Variants in AMOT observed in about 807,000 individuals in gnomAD.
AMOT encodes the protein angiomotin.
A neutral mutation model predicts 67.0 loss-of-function variants in AMOT; 11 were observed. That is an observed-to-expected ratio of 0.16 (90% CI 0.10 to 0.27). The LOEUF is 0.27. AMOT is among the 10% of genes least tolerant of loss of function. The pLI, the probability that AMOT is intolerant of heterozygous loss-of-function variation, is 1.00. For missense variants in AMOT, 753 were observed against 852.0 expected (o/e 0.88, Z 1.45); for synonymous variants, 326 against 321.4 (o/e 1.01, Z -0.15).
At chrX:112,809,091 G>T (rs1489760897) in intron 7 of AMOT, among the ~76,000 whole-genome samples, 1 of 111,316 alleles carries the variant, frequency 9.0e-6, no homozygotes, top group Non-Finnish European at 1.9e-5. Flanking sequence ...CACAACTACA[G>T]CCAGAGCTAC....
chrX:112,804,091 G>A (rs16987095), intron 8 of AMOT, among the ~76,000 whole-genome samples: 2,110 of 111,346 alleles, frequency 0.019, 55 homozygotes, highest in African/African-American at 0.064. Flanking sequence ...CATGAGTACA[G>A]TTTAGTGTTG....
intron 10 of AMOT, among the ~76,000 whole-genome samples, chrX:112,786,318 G>A (rs1933362086): frequency 8.9e-6 from 1 of 112,199 alleles, no homozygotes; most frequent in African/African-American, 3.2e-5. Context: ...TACACATTCT[G>A]AGAAAGGTAG....
At chrX:112,790,828 C>A in intron 9 of AMOT, 46 bp from the exon 10 acceptor site, 2 of 1,072,763 alleles carry the variant, frequency 1.9e-6, no homozygotes, top group Non-Finnish European at 2.5e-6. Context: ...GAGAGAAGAA[C>A]CATGGTGTCT....
chrX:112,837,960 A>G (rs1935171258), intron 1 of AMOT, among the ~76,000 whole-genome samples: 1 of 111,724 alleles, frequency 9.0e-6, no homozygotes, highest in Non-Finnish European at 1.9e-5. Flanking sequence ...GTACGACCAC[A>G]CACACCTCTC....
chrX:112,788,189 T>C (rs184643954), intron 10 of AMOT, among the ~76,000 whole-genome samples: 123 of 108,365 alleles, frequency 1.1e-3, no homozygotes, highest in African/African-American at 4.0e-3. Context: ...CTTGGGAGGC[T>C]GAAGTAGGAG....
At chrX:112,837,976 C>T (rs922200333) in intron 1 of AMOT, among the ~76,000 whole-genome samples, 2 of 111,678 alleles carry the variant, frequency 1.8e-5, no homozygotes, top group African/African-American at 6.5e-5. Flanking sequence ...CTCTCCCCAC[C>T]CCTTTCAGTG....
intron 1 of AMOT, among the ~76,000 whole-genome samples, chrX:112,839,996 G>C (rs1269855504): frequency 9.0e-6 from 1 of 111,151 alleles, no homozygotes; most frequent in Non-Finnish European, 1.9e-5. Context: ...AAGAATTCAC[G>C]GTCCTACCCC....
At chrX:112,815,184 C>T (rs1391139370) in intron 5 of AMOT, among the ~76,000 whole-genome samples, 174 bp downstream of exon 5, 2 of 111,774 alleles carry the variant, frequency 1.8e-5, no homozygotes, top group East Asian at 5.6e-4. Context: ...CCTAGGTAGA[C>T]AGGTAGAAGG....
intron 2 of AMOT, among the ~76,000 whole-genome samples, chrX:112,832,074 G>A (rs1357936232): frequency 5.4e-5 from 6 of 111,280 alleles, no homozygotes; most frequent in Admixed American, 1.9e-4. Flanking sequence ...GAAATGGAAA[G>A]GGAAGTTGCT....
chrX:112,780,811 T>A, intron 12 of AMOT, 75 bp downstream of exon 12: 3 of 1,046,659 alleles, frequency 2.9e-6, no homozygotes, highest in Non-Finnish European at 4.0e-6. Context: ...TCATCCCTTT[T>A]CCTTAAGCAT....
intron 10 of AMOT, 136 bp downstream of exon 10, chrX:112,790,456 C>A: frequency 1.5e-6 from 1 of 654,018 alleles, no homozygotes; most frequent in Non-Finnish European, 2.3e-6. Context: ...CCTGCATAAT[C>A]AGATGAAAGA....
At chrX:112,810,992 C>G (rs183392351) in intron 6 of AMOT, among the ~76,000 whole-genome samples, 2 of 111,900 alleles carry the variant, frequency 1.8e-5, no homozygotes, top group Non-Finnish European at 3.8e-5. Flanking sequence ...GGAGTCCCAG[C>G]AGGGATCCTG....
Position 112,822,944 on chromosome X carries a change from C to T in AMOT, c.183G>A (p.Val61=). 2 of 1,167,794 alleles carry T rather than the reference C, an allele frequency of 1.7e-6. No homozygotes were observed. The highest frequency in any genetic ancestry group is 2.3e-6 in the Non-Finnish European group (2 of 873,079). Residue 61 remains valine (V), a synonymous_variant, in exon 4 of 14, where the codon GTG becomes GTA. Transcript: ENST00000371959. ...GSGNPGPQSD[V]LSPQDHHQQL... is the part of the protein sequence containing the mutation. Reference sequence around the variant, plus strand: ...GTTGGTGGTGGTCTTGGGGACTCAACACATCACTCTGAGGGCCCGGGTTCC... The same window carrying T: ...GTTGGTGGTGGTCTTGGGGACTCAATACATCACTCTGAGGGCCCGGGTTCC...
intron 1 of AMOT, among the ~76,000 whole-genome samples, chrX:112,835,067 A>C (rs1935099978): frequency 8.9e-6 from 1 of 112,456 alleles, no homozygotes; most frequent in African/African-American, 3.2e-5. Flanking sequence ...CACCTGCTCA[A>C]GACCCTATAA....
At position 112,790,649 on chromosome X, in the gene AMOT, T is replaced by C; in HGVS notation, c.2060A>G (p.Glu687Gly). The C allele has an allele frequency of 1.7e-6, 2 of 1,210,839 alleles. No homozygotes were observed. Among genetic ancestry groups the C allele is most frequent in the Non-Finnish European group, 2.2e-6 (2 of 895,119 alleles). The change falls in exon 10 of 14, where the codon GAG becomes GGG. Residue 687 changes from glutamate (E) to glycine (G), a missense_variant. By Grantham distance (98) the Glu-to-Gly change is moderately conservative (BLOSUM62 -2). Around this residue, in one of 5 missense-constraint regions of AMOT, gnomAD observed 66 missense variants for 112.9 expected, o/e 0.58. Transcript: ENST00000371959. Reference protein sequence around the residue: ...DMTKWEQKYLEENVMRHFALD... With the variant: ...DMTKWEQKYLGENVMRHFALD... ...AGCAAAATGTCTCATCACATTCTCC[T>C]CCAAATATTTCTGCTCCCACTTTGT...
At chrX:112,804,898 T>TTCCCCCCCCCCCCC in intron 8 of AMOT, 49 bp downstream of exon 8, 18 of 837,567 alleles carry the variant, frequency 2.1e-5, no homozygotes, top group Middle Eastern at 3.9e-4. Context: ...GTCCCCGATT[T>TTCCCCCCCCCCCCC]CCCAGCCCTC....
chrX:112,787,524 C>T (rs1487232942), intron 10 of AMOT, among the ~76,000 whole-genome samples: 2 of 111,731 alleles, frequency 1.8e-5, no homozygotes, highest in African/African-American at 3.2e-5. Flanking sequence ...TGGGAGGAAG[C>T]GATCAAATTC....
intron 4 of AMOT, chrX:112,819,368 A>C (rs1010539508): frequency 1.3e-6 from 1 of 752,866 alleles, no homozygotes; most frequent in African/African-American, 2.3e-5. Context: ...TGAATCGGTG[A>C]ATCTGTGAAT....
intron 1 of AMOT, among the ~76,000 whole-genome samples, chrX:112,833,761 A>T (rs912565206): frequency 8.9e-6 from 1 of 112,462 alleles, no homozygotes; most frequent in African/African-American, 3.2e-5. Flanking sequence ...GTATATAAAC[A>T]TAGTAAAACA....
Sources: gnomAD v4.1 joint callset for allele counts (sites outside exome capture counted in the v4.1 genomes callset) on GRCh38, gnomAD v4.1.1 for gene constraint, gnomAD v4.1.1 regional missense constraint, MANE v1.5 for transcripts, NCBI Gene and HGNC (gene_info 2026-07-23, HGNC 2026-07-21) for gene names.